The following MACROH2A2 variants were observed in gnomAD, a reference collection of about 807,000 sequenced individuals.
MACROH2A2 encodes the protein macroH2A.2 histone, also known as core histone macro-H2A.2.
In MACROH2A2, 6 loss-of-function variants were observed where a neutral mutation model predicts 37.6. That is an observed-to-expected ratio of 0.16 (90% CI 0.09 to 0.32). MACROH2A2 has a LOEUF of 0.32. Among genes scored for constraint, MACROH2A2 ranks in the 10% least tolerant of loss-of-function variants. The pLI is 1.00. For missense variants in MACROH2A2, 290 were observed against 485.9 expected (o/e 0.60, Z 3.79); for synonymous variants, 192 against 202.7 (o/e 0.95, Z 0.45).
At chr10:70,060,276 A>C (rs2072043141) in intron 1 of MACROH2A2, among the ~76,000 whole-genome samples, 2 of 152,098 alleles carry the variant, frequency 1.3e-5, no homozygotes, top group Admixed American at 1.3e-4. Flanking sequence ...AGGCTGAGGC[A>C]GGAGAATCTC....
At chr10:70,094,113 C>T (rs986330664) in intron 5 of MACROH2A2, among the ~76,000 whole-genome samples, 1 of 152,066 alleles carries the variant, frequency 6.6e-6, no homozygotes, top group Non-Finnish European at 1.5e-5. Flanking sequence ...GATGGCATTA[C>T]TGGTTTTGCT....
rs1440491588 is a variant in MACROH2A2 at position 70,053,429 on chromosome 10, G to C, written c.-60+429G>C. On this transcript the variant is annotated intron_variant, in intron 1 of 8. Coordinates refer to ENST00000373255, the MANE Select transcript of MACROH2A2 (RefSeq NM_018649.3). The surrounding 1 kb of genome is among the most constrained non-coding windows in gnomAD (Gnocchi z 4.8). Reference sequence around the variant, plus strand: ...CCGATGGGCACGGGGCGATGGGTGGGGGGCTGCGCAGGGCCCGAGGGAGCC... The same window carrying C: ...CCGATGGGCACGGGGCGATGGGTGGCGGGCTGCGCAGGGCCCGAGGGAGCC... Among the ~76,000 whole-genome samples, 1 of 151,954 alleles carries C rather than the reference G, an allele frequency of 6.6e-6. No individual in the cohort carries two copies. The highest frequency in any genetic ancestry group is 2.4e-5 in the African/African-American group (1 of 41,404).
chr10:70,109,645 G>A (rs1054224125), intron 8 of MACROH2A2, among the ~76,000 whole-genome samples: 3 of 152,234 alleles, frequency 2.0e-5, no homozygotes, highest in African/African-American at 7.2e-5. Flanking sequence ...ACCGATGTCA[G>A]AATGCAGAAT....
intron 2 of MACROH2A2, among the ~76,000 whole-genome samples, chr10:70,082,564 G>A (rs2072186076): frequency 6.6e-6 from 1 of 152,232 alleles, no homozygotes; most frequent in Admixed American, 6.5e-5. Context: ...GAATGGATAA[G>A]CAGAATGTGG....
At chr10:70,061,890 C>T (rs923900916) in intron 1 of MACROH2A2, among the ~76,000 whole-genome samples, 1 of 151,942 alleles carries the variant, frequency 6.6e-6, no homozygotes, top group African/African-American at 2.4e-5. Flanking sequence ...ACATATATGA[C>T]GATAAAATTA....
chr10:70,063,461 A>T (rs1035791308), intron 1 of MACROH2A2, among the ~76,000 whole-genome samples: 5 of 152,208 alleles, frequency 3.3e-5, no homozygotes, highest in African/African-American at 1.2e-4. Flanking sequence ...TCGTCTCTTG[A>T]TGCAAAATTT....
At chr10:70,057,988 C>T (rs751794352) in intron 1 of MACROH2A2, among the ~76,000 whole-genome samples, 3 of 152,172 alleles carry the variant, frequency 2.0e-5, no homozygotes, top group African/African-American at 7.2e-5. Context: ...AGCCCTACAT[C>T]CTTATGCCCA....
At chr10:70,104,547 T>C (rs191550468) in intron 7 of MACROH2A2, among the ~76,000 whole-genome samples, 38 of 152,144 alleles carry the variant, frequency 2.5e-4, no homozygotes, top group African/African-American at 9.2e-4. Context: ...TGGTGGTGGG[T>C]GCCTGTAATC....
At chr10:70,059,289 G>A (rs1194627359) in intron 1 of MACROH2A2, among the ~76,000 whole-genome samples, 3 of 152,100 alleles carry the variant, frequency 2.0e-5, no homozygotes, top group East Asian at 1.9e-4. Flanking sequence ...GAAAGGTGGC[G>A]ACCAAGCTGT....
At chr10:70,101,165 C>G (rs186042662) in intron 7 of MACROH2A2, among the ~76,000 whole-genome samples, 1 of 152,080 alleles carries the variant, frequency 6.6e-6, no homozygotes, top group Non-Finnish European at 1.5e-5. Flanking sequence ...GTGAAGGCCC[C>G]GAGCTCTGGA....
Position 70,091,745 on chromosome 10 carries a change from T to G in MACROH2A2, c.280-12T>G. 1 of 1,605,552 alleles carries G rather than the reference T, an allele frequency of 6.2e-7. No homozygotes were observed. Among genetic ancestry groups the G allele is most frequent in the Non-Finnish European group, 8.5e-7 (1 of 1,172,608 alleles). ...CTGTTTGCTACATGAGCGCATGCAT[T>G]TCTCTCTTCAGCTGCTAAAAGGAGT... is the stretch of plus-strand genomic sequence containing the variant. On this transcript the variant is annotated splice_polypyrimidine_tract_variant and intron_variant, in intron 3 of 8. Coordinates refer to ENST00000373255, the MANE Select transcript of MACROH2A2 (RefSeq NM_018649.3).
Position 70,075,568 on chromosome 10 carries a change from C to G in MACROH2A2, c.-59-32C>G. ...TGTGCCCAAGATGTTTGCCAACTAC[C>G]CTTCCTCAACTCTGTCTTCTTTCCT... On this transcript the variant is annotated intron_variant, in intron 1 of 8. Transcript: ENST00000373255. The surrounding 1 kb of genome is among the most constrained non-coding windows in gnomAD (Gnocchi z 5.0). 3 of 1,287,396 alleles carry G rather than the reference C, an allele frequency of 2.3e-6. No homozygotes were observed. The highest frequency in any genetic ancestry group is 3.3e-6 in the Non-Finnish European group (3 of 901,226). The allele number at this position is 1,287,396 out of a possible 1,614,324, so 79.7% of individuals were successfully genotyped here. A position where few individuals can be genotyped will look rare whatever the true frequency, so the allele number is the denominator to read the frequency against.
intron 7 of MACROH2A2, among the ~76,000 whole-genome samples, chr10:70,106,457 A>G (rs1301699483): frequency 6.6e-6 from 1 of 152,140 alleles, no homozygotes; most frequent in African/African-American, 2.4e-5. Context: ...CCTGAAAGTC[A>G]TTTTTTACTT....
At chr10:70,106,331 C>G (rs2072337366) in intron 7 of MACROH2A2, among the ~76,000 whole-genome samples, 2 of 152,190 alleles carry the variant, frequency 1.3e-5, no homozygotes, top group Non-Finnish European at 2.9e-5. Flanking sequence ...TAACTTGACC[C>G]TCATCCTTGA....
intron 1 of MACROH2A2, among the ~76,000 whole-genome samples, chr10:70,056,719 A>G (rs2072019464): frequency 6.6e-6 from 1 of 152,192 alleles, no homozygotes; most frequent in Non-Finnish European, 1.5e-5. Flanking sequence ...GCTGTGTTCC[A>G]GCTAGTCCTC....
intron 4 of MACROH2A2, 124 bp downstream of exon 4, chr10:70,092,078 T>C (rs983495216): frequency 2.4e-5 from 18 of 753,692 alleles, no homozygotes; most frequent in Non-Finnish European, 3.7e-5. Context: ...GGTGTGGGCT[T>C]TGAGAGATAA....
intron 1 of MACROH2A2, among the ~76,000 whole-genome samples, chr10:70,061,082 A>G (rs561883686): frequency 9.2e-5 from 14 of 152,324 alleles, no homozygotes; most frequent in Non-Finnish European, 1.9e-4. Flanking sequence ...CTTTCTCCCC[A>G]AAAGCAATTC....
At chr10:70,100,352 G>A in intron 7 of MACROH2A2, 55 bp downstream of exon 7, 1 of 961,636 alleles carries the variant, frequency 1.0e-6, no homozygotes, top group Non-Finnish European at 1.7e-6. Context: ...CCTCTCTGGA[G>A]TCTCCAGCCT....
chr10:70,106,667 G>A (rs192996823), intron 7 of MACROH2A2, among the ~76,000 whole-genome samples: 1,575 of 151,882 alleles, frequency 0.01, 18 homozygotes, highest in Non-Finnish European at 0.016. Context: ...GCATGGTGGC[G>A]GGTGCCTGTA....
Sources: gnomAD v4.1 joint callset for allele counts (sites outside exome capture counted in the v4.1 genomes callset) on GRCh38, gnomAD v4.1.1 for gene constraint, Gnocchi (gnomAD v3.1) non-coding constraint, MANE v1.5 for transcripts, NCBI Gene and HGNC (gene_info 2026-07-23, HGNC 2026-07-21) for gene names.